CCDC102B: variants seen among roughly 807,000 people sequenced by gnomAD.
CCDC102B encodes the protein coiled-coil domain-containing protein 102B.
CCDC102B carries 75 observed loss-of-function variants against 57.4 expected under a neutral mutation model. The observed-to-expected ratio is 1.31, with a 90% CI of 1.08 to 1.58. CCDC102B has a LOEUF of 1.58. CCDC102B is among the 40% of genes most tolerant of loss of function. The pLI, the probability that CCDC102B is intolerant of heterozygous loss-of-function variation, is 0.00. For synonymous variants in CCDC102B, 206 were observed against 201.9 expected, an observed-to-expected ratio of 1.02 and a Z score of -0.17; for missense variants, 636 against 582.6, an observed-to-expected ratio of 1.09 and a Z score of -0.94.
intron 2 of CCDC102B, among the ~76,000 whole-genome samples, chr18:68,727,333 T>G (rs997711994): frequency 1.3e-5 from 2 of 152,212 alleles, no homozygotes; most frequent in Non-Finnish European, 2.9e-5. Context: ...TCTGGTATAT[T>G]TCTTTTAAAG....
intron 1 of CCDC102B, among the ~76,000 whole-genome samples, chr18:68,816,997 G>C (rs995088252): frequency 6.6e-6 from 1 of 152,164 alleles, no homozygotes; most frequent in Admixed American, 6.5e-5. Flanking sequence ...GTGAGAGAAA[G>C]AAAACAGTGA....
At chr18:68,935,610 T>A (rs796748424) in intron 6 of CCDC102B, among the ~76,000 whole-genome samples, 12 of 152,070 alleles carry the variant, frequency 7.9e-5, no homozygotes, top group African/African-American at 2.9e-4. Context: ...CGTCTTCAGC[T>A]TATAATGTTG....
At chr18:68,941,757 G>T (rs2049385971) in intron 6 of CCDC102B, among the ~76,000 whole-genome samples, 1 of 152,096 alleles carries the variant, frequency 6.6e-6, no homozygotes, top group African/African-American at 2.4e-5. Flanking sequence ...CATAAGGCAA[G>T]ATGAAAGTAC....
chr18:69,035,037 C>T (rs1468640593), intron 7 of CCDC102B, among the ~76,000 whole-genome samples: 1 of 151,882 alleles, frequency 6.6e-6, no homozygotes, highest in Admixed American at 6.6e-5. Flanking sequence ...TATTTATAAG[C>T]AAGCATTTTA....
chr18:68,745,577 T>C (rs187145295), intron 2 of CCDC102B, among the ~76,000 whole-genome samples: 13 of 152,282 alleles, frequency 8.5e-5, no homozygotes, highest in Middle Eastern at 3.4e-3. Context: ...ATTTGGTGCT[T>C]CTTGTGCTGG....
intron 6 of CCDC102B, among the ~76,000 whole-genome samples, chr18:69,001,078 T>C (rs768923509): frequency 6.6e-6 from 1 of 152,164 alleles, no homozygotes; most frequent in Admixed American, 6.6e-5. Flanking sequence ...CCCCTCTCAA[T>C]ACATCATGCT....
intron 2 of CCDC102B, among the ~76,000 whole-genome samples, chr18:68,745,709 T>C (rs557351751): frequency 3.2e-4 from 48 of 152,312 alleles, no homozygotes; most frequent in African/African-American, 1.1e-3. Context: ...TGTATTTTTG[T>C]ACCTATTAAC....
intron 7 of CCDC102B, among the ~76,000 whole-genome samples, chr18:69,034,732 A>C (rs2052241937): frequency 6.6e-6 from 1 of 151,378 alleles, no homozygotes; most frequent in Non-Finnish European, 1.5e-5. Context: ...TTATAAAGAC[A>C]CCCCACTGTG....
Position 68,874,391 on chromosome 18 carries a change from G to A in CCDC102B, c.937-278G>A, listed in dbSNP as rs144855901. ...TAGAAACCAGTTGGTCAATTGTTTC[G>A]GAGTTTGTGGAGGTAACTGAGTTAT... On this transcript the variant is annotated intron_variant, in intron 4 of 7. Transcript: ENST00000360242. Among the ~76,000 whole-genome samples, 68 of 151,954 alleles carry A rather than the reference G, an allele frequency of 4.5e-4. 1 individual carries two copies. Among genetic ancestry groups the A allele is most frequent in the Admixed American group, 1.1e-3 (17 of 15,260 alleles).
chr18:68,825,589 C>T (rs2036876340), intron 1 of CCDC102B, among the ~76,000 whole-genome samples: 1 of 151,990 alleles, frequency 6.6e-6, no homozygotes, highest in South Asian at 2.1e-4. Flanking sequence ...ACTCATGAGG[C>T]TGAGGCAGGA....
intron 2 of CCDC102B, among the ~76,000 whole-genome samples, chr18:68,737,546 G>A (rs2033198542): frequency 6.6e-6 from 1 of 151,812 alleles, no homozygotes; most frequent in South Asian, 2.1e-4. Flanking sequence ...GTATGTGAAG[G>A]GAGGGTTTTC....
Position 69,009,401 on chromosome 18 carries a change from C to A in CCDC102B, c.1264-1533C>A, listed in dbSNP as rs181991358. 8.5e-5 allele frequency among the ~76,000 whole-genome samples: 13 copies of A among 152,246 alleles called. No individual in the cohort carries two copies. In the East Asian group the frequency reaches 2.5e-3, roughly 29 times the overall value. On this transcript the variant is annotated intron_variant, in intron 6 of 7. Transcript: ENST00000360242. ...TACCCTCCTCATAGCCTGTCCTTAA[C>A]CCCTGGTCACCACTACAATTTTCTA...
chr18:68,874,064 T>C (rs1021437082), intron 4 of CCDC102B, among the ~76,000 whole-genome samples: 5 of 152,048 alleles, frequency 3.3e-5, no homozygotes, highest in Middle Eastern at 3.4e-3. Context: ...TTTGTAGGAC[T>C]TTTCTCACCT....
chr18:68,893,587 T>C (rs548801787), intron 5 of CCDC102B, among the ~76,000 whole-genome samples: 33 of 152,250 alleles, frequency 2.2e-4, no homozygotes, highest in African/African-American at 7.5e-4. Flanking sequence ...TAACAGTTAT[T>C]TATGGAGCAC....
intron 2 of CCDC102B, among the ~76,000 whole-genome samples, chr18:68,789,881 G>A (rs1436001696): frequency 2.6e-5 from 4 of 152,040 alleles, no homozygotes; most frequent in Admixed American, 1.3e-4. Flanking sequence ...GAGGAACTGC[G>A]TTCCTTTGGA....
At chr18:68,957,111 C>A (rs1405027722) in intron 6 of CCDC102B, among the ~76,000 whole-genome samples, 2 of 151,818 alleles carry the variant, frequency 1.3e-5, no homozygotes, top group Non-Finnish European at 2.9e-5. Context: ...TTTCCTTTAC[C>A]GTGCAGAAGT....
intron 6 of CCDC102B, among the ~76,000 whole-genome samples, chr18:68,917,874 T>C (rs1729732705): frequency 6.6e-6 from 1 of 152,184 alleles, no homozygotes; most frequent in Non-Finnish European, 1.5e-5. Flanking sequence ...AAAAGTTATT[T>C]TTATTGGATA....
At chr18:69,039,623 T>C (rs530098342) in intron 7 of CCDC102B, among the ~76,000 whole-genome samples, 1 of 152,072 alleles carries the variant, frequency 6.6e-6, no homozygotes, top group East Asian at 1.9e-4. Context: ...TTATATCCTC[T>C]TCAATATTTT....
intron 4 of CCDC102B, among the ~76,000 whole-genome samples, chr18:68,862,648 G>C (rs139850595): frequency 6.6e-6 from 1 of 152,034 alleles, no homozygotes; most frequent in Non-Finnish European, 1.5e-5. Context: ...AGAGATGACA[G>C]GTTCTGTTGG....
Sources: gnomAD v4.1 joint callset for allele counts (sites outside exome capture counted in the v4.1 genomes callset) on GRCh38, gnomAD v4.1.1 for gene constraint, MANE v1.5 for transcripts, NCBI Gene and HGNC (gene_info 2026-07-23, HGNC 2026-07-21) for gene names.